MYADML2: variants seen among roughly 807,000 people sequenced by gnomAD.
MYADML2 encodes the protein myeloid-associated differentiation marker-like protein 2.
A neutral mutation model predicts 16.0 loss-of-function variants in MYADML2; 17 were observed. The observed-to-expected ratio is 1.06, with a 90% confidence interval of 0.73 to 1.60. The LOEUF is 1.60. Among genes scored for constraint, MYADML2 ranks in the 40% most tolerant of loss-of-function variants. MYADML2 has a pLI of 0.00. For synonymous variants in MYADML2, 210 were observed against 208.1 expected, an observed-to-expected ratio of 1.01 and a Z score of -0.08; for missense variants, 422 against 437.7, an observed-to-expected ratio of 0.96 and a Z score of 0.32.
Position 81,941,257 on chromosome 17 carries a change from G to A in MYADML2, c.485C>T (p.Thr162Met), listed in dbSNP as rs781610654. Residue 162 changes from threonine (T) to methionine (M), a missense_variant, in exon 3 of 3, where the codon ACG becomes ATG. Coordinates refer to ENST00000409745, the MANE Select transcript of MYADML2 (RefSeq NM_001145113.3). ...GACGATCTTGAGGAGCCCCGACACC[G>A]TGGCCATATAGCTGCTCACCTGGCC... ...RPGQVSSYMA[T>M]VSGLLKIVQA... 32 of 1,550,020 alleles carry A rather than the reference G, an allele frequency of 2.1e-5. No individual in the cohort carries two copies. The highest frequency in any genetic ancestry group is 2.5e-5 in the Non-Finnish European group (29 of 1,146,910).
chr17:81,945,267 C>T (rs140163021), intron 1 of MYADML2, among the ~76,000 whole-genome samples: 2,807 of 151,578 alleles, frequency 0.019, 79 homozygotes, highest in African/African-American at 0.062. Context: ...TGGCTGGGTG[C>T]GGTGGCTCAC....
chr17:81,944,507 G>T (rs1408883218), intron 1 of MYADML2, among the ~76,000 whole-genome samples: 1 of 152,178 alleles, frequency 6.6e-6, no homozygotes, highest in African/African-American at 2.4e-5. Flanking sequence ...TTTTATTGTG[G>T]TATTTGGTCT....
At position 81,945,683 on chromosome 17, in the gene MYADML2, C is replaced by T. The variant is rs376361117; in HGVS notation, c.-181+1376G>A. On this transcript the variant is annotated intron_variant, in intron 1 of 2. Coordinates refer to ENST00000409745, the MANE Select transcript of MYADML2 (RefSeq NM_001145113.3). ...CACCACTGCACTCCAGCCTGGGCAA[C>T]GGAGTGAGACTCCATCTCAAAAAAA... is the stretch of plus-strand genomic sequence containing the variant. 1.6e-3 allele frequency among the ~76,000 whole-genome samples: 242 copies of T among 148,196 alleles called. 4 individuals carry two copies. The highest frequency in any genetic ancestry group is 5.8e-3 in the African/African-American group (230 of 39,830).
chr17:81,941,838 T>C lies in MYADML2; in HGVS notation c.-97A>G. On this transcript the variant is annotated 5_prime_UTR_variant, in exon 3 of 3. Coordinates refer to ENST00000409745, the MANE Select transcript of MYADML2 (RefSeq NM_001145113.3). ...GTCCTCTGCGGTAGTGGCAGGTGCC[T>C]GCAGCCTGCAGAGGCAGTGACGACG... is the stretch of plus-strand genomic sequence containing the variant. 2 of 1,214,082 alleles carry C rather than the reference T, an allele frequency of 1.6e-6. No homozygotes were observed. Among genetic ancestry groups the C allele is most frequent in the Non-Finnish European group, 2.3e-6 (2 of 888,362 alleles). The allele number at this position is 1,214,082 out of a possible 1,614,324, so 75.2% of individuals were successfully genotyped here. A position where few individuals can be genotyped will look rare whatever the true frequency, so the allele number is the denominator to read the frequency against.
At chr17:81,943,922 T>C (rs898251921) in intron 1 of MYADML2, among the ~76,000 whole-genome samples, 1 of 151,156 alleles carries the variant, frequency 6.6e-6, no homozygotes, top group Non-Finnish European at 1.5e-5. Context: ...CCATCCTGGC[T>C]AACATGGTGA....
chr17:81,946,513 C>T (rs1209996399), intron 1 of MYADML2, among the ~76,000 whole-genome samples: 11 of 147,756 alleles, frequency 7.4e-5, no homozygotes, highest in African/African-American at 1.3e-4. Flanking sequence ...CCAGGTGTGG[C>T]AGTGGGCGCT....
At position 81,940,967 on chromosome 17, in the gene MYADML2, C is replaced by T. The variant is rs1320525638; in HGVS notation, c.775G>A (p.Gly259Ser). 11 of 1,550,540 alleles carry T rather than the reference C, an allele frequency of 7.1e-6. No individual in the cohort carries two copies. The East Asian group carries it at 1.2e-4, about 17-fold the overall frequency. ...WPVFCFDPKY[G>S]EPKRPPNCAR... ...CAGTTGGGGGGCCGTTTGGGCTCAC[C>T]GTACTTGGGATCGAAACAGAAGACT... The change falls in exon 3 of 3, where the codon GGT (glycine) becomes AGT (serine). Residue 259 changes from glycine to serine, a missense_variant. Coordinates refer to ENST00000409745, the MANE Select transcript of MYADML2 (RefSeq NM_001145113.3).
At chr17:81,943,789 T>G (rs35810039) in intron 1 of MYADML2, among the ~76,000 whole-genome samples, 92,030 of 151,874 alleles carry the variant, frequency 0.61, 28,404 homozygotes, top group African/African-American at 0.66. Context: ...TATCCTTGTA[T>G]GTATTTCCTG....
intron 1 of MYADML2, among the ~76,000 whole-genome samples, chr17:81,945,390 T>G (rs9905607): frequency 2.0e-5 from 3 of 151,834 alleles, no homozygotes; most frequent in African/African-American, 7.3e-5. Flanking sequence ...ATACAAAAAA[T>G]TATCCAGGCG....
intron 1 of MYADML2, among the ~76,000 whole-genome samples, chr17:81,945,306 A>G (rs530209265): frequency 2.6e-4 from 39 of 151,986 alleles, no homozygotes; most frequent in East Asian, 1.5e-3. Context: ...TTGGGAGGCC[A>G]AGGTGGGCGG....
Position 81,940,685 on chromosome 17 carries a change from G to A in MYADML2, c.*133C>T, listed in dbSNP as rs759814780. 220 of 998,848 alleles carry A rather than the reference G, an allele frequency of 2.2e-4. 1 individual carries two copies. The highest frequency in any genetic ancestry group is 1.1e-4 in the Non-Finnish European group (76 of 697,326). 61.9% of individuals were successfully genotyped at this position (998,848 alleles called of 1,614,324 possible). On this transcript the variant is annotated 3_prime_UTR_variant, in exon 3 of 3. Coordinates refer to ENST00000409745, the MANE Select transcript of MYADML2 (RefSeq NM_001145113.3). Reference sequence around the variant, plus strand: ...TGGAAGTCGGGGAGTGACCTCTCCCGTTGTACTTCATCTCCCCTGAGCCCG... The same window carrying A: ...TGGAAGTCGGGGAGTGACCTCTCCCATTGTACTTCATCTCCCCTGAGCCCG...
Position 81,941,003 on chromosome 17 carries a change from C to T in MYADML2, c.739G>A (p.Val247Met), listed in dbSNP as rs532700062. 5.2e-5 allele frequency: 81 copies of T among 1,550,602 alleles called. No individual in the cohort carries two copies. The Admixed American group carries it at 6.1e-4, about 12-fold the overall frequency. Residue 247 changes from valine (V) to methionine (M), a missense_variant, in exon 3 of 3, where the codon GTG becomes ATG. Val to Met is a conservative substitution (Grantham distance 21, BLOSUM62 1). Coordinates refer to ENST00000409745, the MANE Select transcript of MYADML2 (RefSeq NM_001145113.3). ...TCGAAACAGAAGACTGGCCAGATCA[C>T]GGCGGCGCTGAGGTACAGGAGCACA... ...LAVLLYLSAA[V>M]IWPVFCFDPK... is the part of the protein sequence containing the mutation.
intron 1 of MYADML2, among the ~76,000 whole-genome samples, chr17:81,945,533 T>C (rs1432870150): frequency 2.2e-4 from 33 of 146,772 alleles, no homozygotes; most frequent in African/African-American, 6.4e-4. Context: ...AGCAAGACTC[T>C]GTCTCAAAAA....
At position 81,941,522 on chromosome 17, in the gene MYADML2, T is replaced by G. The variant is rs1475184408; in HGVS notation, c.220A>C (p.Thr74Pro). The change falls in exon 3 of 3, where the codon ACA becomes CCA. Residue 74 changes from threonine to proline, a missense_variant. By Grantham distance (38) the Thr-to-Pro change is conservative. Coordinates refer to ENST00000409745, the MANE Select transcript of MYADML2 (RefSeq NM_001145113.3). The part of the protein sequence containing the change: ...VSALVVACEF[T>P]RLHGCLRLSW... ...AGCCGCAGGCAGCCGTGGAGCCGTG[T>G]GAACTCACAGGCCACCACCAGCGCA... 6.5e-7 allele frequency: 1 copy of G among 1,548,076 alleles called. No homozygotes were observed. The highest frequency in any genetic ancestry group is 2.0e-5 in the Admixed American group (1 of 50,956).
At chr17:81,946,414 T>A (rs74695898) in intron 1 of MYADML2, among the ~76,000 whole-genome samples, 1 of 150,468 alleles carries the variant, frequency 6.6e-6, no homozygotes, top group Non-Finnish European at 1.5e-5. Flanking sequence ...TTTGGGAGGC[T>A]GAGGCGGGCG....
At position 81,947,137 on chromosome 17, in the gene MYADML2, GGGACTCT is replaced by G. The variant is rs1189655404; in HGVS notation, c.-266_-260del. 6.6e-6 allele frequency: 1 copy of G among 152,196 alleles called. No individual in the cohort carries two copies. The highest frequency in any genetic ancestry group is 1.5e-5 in the Non-Finnish European group (1 of 68,040). The allele number at this position is 152,196 out of a possible 1,614,324, so 9.4% of individuals were successfully genotyped here. A position where few individuals can be genotyped will look rare whatever the true frequency, so the allele number is the denominator to read the frequency against. On this transcript the variant is annotated 5_prime_UTR_variant, in exon 1 of 3. An upstream open reading frame in the 5' UTR gains an earlier in-frame stop. Coordinates refer to ENST00000409745, the MANE Select transcript of MYADML2 (RefSeq NM_001145113.3). ...GCAAATAACATGCCATTTTGTATCA[GGGACTCT>G]GGCCTTGTGGATTCTGGTGTTTTGG...
rs1261812325 is a variant in MYADML2 at position 81,940,989 on chromosome 17, G to A, written c.753C>T (p.Val251=). The change falls in exon 3 of 3, where the codon GTC becomes GTT. Residue 251 remains valine, a synonymous_variant. Coordinates refer to ENST00000409745, the MANE Select transcript of MYADML2 (RefSeq NM_001145113.3). ...CACCGTACTTGGGATCGAAACAGAA[G>A]ACTGGCCAGATCACGGCGGCGCTGA... ...LYLSAAVIWP[V]FCFDPKYGEP... 6.4e-7 allele frequency: 1 copy of A among 1,550,664 alleles called. No individual in the cohort carries two copies. Among genetic ancestry groups the A allele is most frequent in the Non-Finnish European group, 8.7e-7 (1 of 1,146,986 alleles).
chr17:81,942,860 T>C lies in MYADML2; in HGVS notation c.-180-487A>G, dbSNP rs1450095999. 6.6e-6 allele frequency among the ~76,000 whole-genome samples: 1 copy of C among 151,472 alleles called. No homozygotes were observed. The highest frequency in any genetic ancestry group is 1.5e-5 in the Non-Finnish European group (1 of 67,786). Reference sequence around the variant, plus strand: ...GCCACTAGGTCCGGCCCCTCTTTTTTTTCGAGATAGGGTCTAGCTTTGTCG... The same window carrying C: ...GCCACTAGGTCCGGCCCCTCTTTTTCTTCGAGATAGGGTCTAGCTTTGTCG... On this transcript the variant is annotated intron_variant, in intron 1 of 2. Transcript: ENST00000409745. This position sits in a 1 kb window ranked among gnomAD's most constrained non-coding sequence, Gnocchi z 4.4.
rs2041303994 is a variant in MYADML2, at chr17:81,941,487, G to A, written c.255C>T (p.Gly85=). 1.3e-6 allele frequency: 2 copies of A among 1,548,652 alleles called. No individual in the cohort carries two copies. Among genetic ancestry groups the A allele is most frequent in the South Asian group, 2.4e-5 (2 of 83,984 alleles). ...GCATGGCGAAGGCGGCGGTGAAGTT[G>A]CCCCAGGAGAGCCGCAGGCAGCCGT... is the stretch of plus-strand genomic sequence containing the variant. ...RLHGCLRLSW[G]NFTAAFAMLA... Residue 85 remains glycine, a synonymous_variant, in exon 3 of 3, where the codon GGC becomes GGT. Coordinates refer to ENST00000409745, the MANE Select transcript of MYADML2 (RefSeq NM_001145113.3).
Sources: allele counts gnomAD v4.1 joint callset (sites outside exome capture counted in the v4.1 genomes callset), GRCh38; gene constraint gnomAD v4.1.1; non-coding constraint Gnocchi (gnomAD v3.1); transcripts MANE v1.5; gene names NCBI Gene and HGNC (gene_info 2026-07-23, HGNC 2026-07-21).